Variants in CERS3 observed in about 807,000 individuals in gnomAD.
The protein encoded by CERS3 is LAG1 homolog, ceramide synthase 3.
In CERS3, 33 loss-of-function variants were observed where a neutral mutation model predicts 50.3. The observed-to-expected ratio is 0.66, with a 90% CI of 0.50 to 0.88. The LOEUF is 0.88. Ranked by LOEUF, CERS3 falls within the 40% of genes least tolerant of loss-of-function variation. CERS3 has a pLI of 0.00. For missense variants in CERS3, 470 were observed against 460.3 expected (o/e 1.02, Z -0.19); for synonymous variants, 176 against 155.2 (o/e 1.13, Z -0.99).
rs74039513 is a variant in CERS3 at position 100,515,453 on chromosome 15, C to A, written c.-2+6214G>T. 5.4e-3 allele frequency among the ~76,000 whole-genome samples: 826 copies of A among 152,294 alleles called. 10 individuals carry two copies. The highest frequency in any genetic ancestry group is 0.019 in the African/African-American group (775 of 41,560). The stretch of plus-strand genomic sequence containing the variant: ...ATGGAATTCTCCCAAGGCCCCTTCA[C>A]CTTAATCCGCTTGGGCTTATCTTGG... On this transcript the variant is annotated intron_variant, in intron 2 of 11. Transcript: ENST00000679737.
At chr15:100,500,034 A>G (rs1398621024) in intron 3 of CERS3, among the ~76,000 whole-genome samples, 3 of 152,234 alleles carry the variant, frequency 2.0e-5, no homozygotes, top group Non-Finnish European at 4.4e-5. Flanking sequence ...CTATTCAAAT[A>G]TAAGGTATAA....
At chr15:100,513,566 C>G (rs1311081383) in intron 2 of CERS3, among the ~76,000 whole-genome samples, 1 of 139,218 alleles carries the variant, frequency 7.2e-6, no homozygotes, top group Non-Finnish European at 1.5e-5. Context: ...GAGATAAGAT[C>G]TTGCTCTGTC....
chr15:100,467,601 C>T (rs1045753908), intron 10 of CERS3, among the ~76,000 whole-genome samples: 2 of 151,762 alleles, frequency 1.3e-5, no homozygotes, highest in African/African-American at 2.4e-5. Context: ...TATACAGCAA[C>T]AGGCAATTGG....
Position 100,526,599 on chromosome 15 carries a change from T to C in CERS3, c.-92+2214A>G, listed in dbSNP as rs543365306. On this transcript the variant is annotated intron_variant, in intron 1 of 11. Coordinates refer to ENST00000679737, the MANE Select transcript of CERS3 (RefSeq NM_001378789.1). ...TCTTGCTTTTTGCTTGATTTTACTA[T>C]GCTTTGGGGGACTTTTGGCATAGGA... Among the ~76,000 whole-genome samples the C allele has an allele frequency of 3.9e-5, 6 of 152,202 alleles. No homozygotes were observed. In the South Asian group the frequency reaches 1.0e-3, roughly 26 times the overall value.
At chr15:100,536,367 C>G (rs2037075143) in intron 1 of CERS3, among the ~76,000 whole-genome samples, 1 of 152,196 alleles carries the variant, frequency 6.6e-6, no homozygotes, top group Admixed American at 6.5e-5. Flanking sequence ...TCACTGCAAC[C>G]TCAACCTCCT....
chr15:100,456,140 A>C (rs2034366298), intron 10 of CERS3, 94 bp from the exon 11 acceptor site: 1 of 867,442 alleles, frequency 1.2e-6, no homozygotes, highest in Non-Finnish European at 1.6e-6. Flanking sequence ...TAAGCCATAC[A>C]TGTATTTCGT....
At chr15:100,497,852 T>TACACAC (rs57343426) in intron 3 of CERS3, among the ~76,000 whole-genome samples, 6 of 108,820 alleles carry the variant, frequency 5.5e-5, no homozygotes, top group African/African-American at 1.8e-4. Context: ...ACCTATCTCT[T>TACACAC]ACACACACAC....
At chr15:100,505,069 A>T (rs941792903) in intron 2 of CERS3, among the ~76,000 whole-genome samples, 2 of 152,152 alleles carry the variant, frequency 1.3e-5, no homozygotes, top group Non-Finnish European at 2.9e-5. Context: ...TCACAACTAG[A>T]TACTCCTGCA....
At chr15:100,523,839 G>T (rs1292256794) in intron 1 of CERS3, among the ~76,000 whole-genome samples, 1 of 151,958 alleles carries the variant, frequency 6.6e-6, no homozygotes, top group Non-Finnish European at 1.5e-5. Context: ...AGTATTTCAG[G>T]TACTCAATAG....
intron 10 of CERS3, among the ~76,000 whole-genome samples, chr15:100,466,724 T>TCTTCTTTC (rs1567638251): frequency 1.0e-4 from 15 of 146,954 alleles, no homozygotes; most frequent in African/African-American, 3.8e-4. Flanking sequence ...GATTTTCTTA[T>TCTTCTTTC]CTTCTTTCCT....
intron 1 of CERS3, among the ~76,000 whole-genome samples, chr15:100,524,688 A>T (rs1291985600): frequency 6.6e-6 from 1 of 152,236 alleles, no homozygotes; most frequent in Admixed American, 6.5e-5. Context: ...AAACAAGAAA[A>T]CAAACTTTGA....
intron 11 of CERS3, among the ~76,000 whole-genome samples, chr15:100,443,220 A>G (rs1277211392): frequency 2.7e-5 from 4 of 150,928 alleles, no homozygotes; most frequent in African/African-American, 7.3e-5. Context: ...TTGGTGACCG[A>G]TCATGCACCC....
chr15:100,536,519 G>A (rs75900234), intron 1 of CERS3, among the ~76,000 whole-genome samples: 5,466 of 152,252 alleles, frequency 0.036, 148 homozygotes, highest in South Asian at 0.11. Context: ...TCCTAAGCTC[G>A]AATGAACTGC....
At position 100,511,858 on chromosome 15, in the gene CERS3, G is replaced by A. The variant is rs186400480; in HGVS notation, c.-2+9809C>T. On this transcript the variant is annotated intron_variant, in intron 2 of 11. Coordinates refer to ENST00000679737, the MANE Select transcript of CERS3 (RefSeq NM_001378789.1). ...GGCTTCCATTAATGTTCTGTTACATGCCCTAGAGAGGAGCATCATAAGTCC... is the reference window on the plus strand; with the variant it reads ...GGCTTCCATTAATGTTCTGTTACATACCCTAGAGAGGAGCATCATAAGTCC... 2.5e-3 allele frequency among the ~76,000 whole-genome samples: 52 copies of A among 20,572 alleles called. 15 individuals are homozygous for A. Among genetic ancestry groups the A allele is most frequent in the African/African-American group, 4.7e-3 (50 of 10,712 alleles). 13.5% of individuals were successfully genotyped at this position (20,572 alleles called of 152,430 possible).
chr15:100,463,083 G>A (rs921978758), intron 10 of CERS3, among the ~76,000 whole-genome samples: 2 of 152,190 alleles, frequency 1.3e-5, no homozygotes, highest in African/African-American at 2.4e-5. Context: ...AGTAGAGAGA[G>A]AAGGAATGAC....
rs145899470 is a variant in CERS3, at chr15:100,467,850, T to TATATAGATAG, written c.845+1527_845+1528insCTATCTATAT. On this transcript the variant is annotated intron_variant, in intron 10 of 11. Coordinates refer to ENST00000679737, the MANE Select transcript of CERS3 (RefSeq NM_001378789.1). ...ATATATATACGTGTATATATATATATATAGATAGATAGATAGATAGATAGA... is the reference window on the plus strand; with the variant it reads ...ATATATATACGTGTATATATATATATATATAGATAGATAGATAGATAGATAGATAGATAGA... 4.0e-3 allele frequency among the ~76,000 whole-genome samples: 368 copies of TATATAGATAG among 93,134 alleles called. 5 individuals carry two copies. The highest frequency in any genetic ancestry group is 0.012 in the East Asian group (42 of 3,572). The allele number at this position is 93,134 out of a possible 152,430, so 61.1% of individuals were successfully genotyped here.
intron 3 of CERS3, among the ~76,000 whole-genome samples, chr15:100,496,773 A>T (rs1185215739): frequency 1.3e-5 from 2 of 152,194 alleles, no homozygotes; most frequent in African/African-American, 4.8e-5. Flanking sequence ...TCTAGGACTT[A>T]CTTAAGAAGA....
intron 4 of CERS3, among the ~76,000 whole-genome samples, chr15:100,486,725 T>A (rs79422049): frequency 0.018 from 2,734 of 152,308 alleles, 43 homozygotes; most frequent in South Asian, 0.051. Flanking sequence ...GGGCCTAGCT[T>A]TACTATTTCA....
intron 11 of CERS3, among the ~76,000 whole-genome samples, chr15:100,403,755 C>T (rs2030751753): frequency 6.6e-6 from 1 of 152,086 alleles, no homozygotes; most frequent in Non-Finnish European, 1.5e-5. Flanking sequence ...TAATCAAAAA[C>T]CTGAAAAACA....
Sources: gnomAD v4.1 joint callset for allele counts (sites outside exome capture counted in the v4.1 genomes callset) on GRCh38, gnomAD v4.1.1 for gene constraint, MANE v1.5 for transcripts, NCBI Gene and HGNC (gene_info 2026-07-23, HGNC 2026-07-21) for gene names.